TSPAN9: variants seen among roughly 807,000 people sequenced by gnomAD.
TSPAN9 encodes the protein tetraspanin-9.
A neutral mutation model predicts 31.0 loss-of-function variants in TSPAN9; 16 were observed. The ratio of observed to expected loss-of-function variants is 0.52; its 90% confidence interval spans 0.35 to 0.78. TSPAN9 has a LOEUF of 0.78. Ranked by LOEUF, TSPAN9 falls within the 30% of genes least tolerant of loss-of-function variation. The pLI is 0.01. For missense variants in TSPAN9, 272 were observed against 312.5 expected, an observed-to-expected ratio of 0.87 and a Z score of 0.98; for synonymous variants, 145 against 121.6, an observed-to-expected ratio of 1.19 and a Z score of -1.27.
intron 2 of TSPAN9, among the ~76,000 whole-genome samples, chr12:3,095,997 C>T (rs2098308483): frequency 6.7e-6 from 1 of 148,984 alleles, no homozygotes; most frequent in African/African-American, 2.5e-5. Context: ...CTGCTCCTTG[C>T]CCTCGGGCCC....
rs1336754348 is a variant in TSPAN9 at position 3,280,887 on chromosome 12, C to T, written c.433-311C>T. Among the ~76,000 whole-genome samples, 2 of 152,042 alleles carry T rather than the reference C, an allele frequency of 1.3e-5. No homozygotes were observed. Among genetic ancestry groups the T allele is most frequent in the Non-Finnish European group, 2.9e-5 (2 of 67,988 alleles). ...CGGCAGGGGGTTGGGTGGCAGTCAG[C>T]TTGGGACGGTTTACAGAAAGAGCAG... On this transcript the variant is annotated intron_variant, in intron 6 of 8. Transcript: ENST00000011898. The surrounding 1 kb of genome is among the most constrained non-coding windows in gnomAD (Gnocchi z 4.5).
chr12:3,142,222 T>C (rs759524440), intron 2 of TSPAN9, among the ~76,000 whole-genome samples: 5 of 152,162 alleles, frequency 3.3e-5, no homozygotes, highest in Admixed American at 6.5e-5. Flanking sequence ...CGCTGCCTGC[T>C]GTCCTCCCTC....
intron 2 of TSPAN9, among the ~76,000 whole-genome samples, chr12:3,121,158 T>A (rs993468022): frequency 6.6e-6 from 1 of 152,186 alleles, no homozygotes; most frequent in African/African-American, 2.4e-5. Context: ...TCAGGCGGTG[T>A]GAAATGCTTG....
chr12:3,239,754 G>T (rs745507204), intron 3 of TSPAN9, among the ~76,000 whole-genome samples: 1 of 152,176 alleles, frequency 6.6e-6, no homozygotes, highest in African/African-American at 2.4e-5. Context: ...ATCCTTCTGG[G>T]AGGGTCATTG....
At position 3,202,922 on chromosome 12, in the gene TSPAN9, G is replaced by C. The variant is rs555303987; in HGVS notation, c.63+1666G>C. Among the ~76,000 whole-genome samples, 3 of 152,328 alleles carry C rather than the reference G, an allele frequency of 2.0e-5. No homozygotes were observed. The South Asian group carries it at 6.2e-4, about 32-fold the overall frequency. On this transcript the variant is annotated intron_variant, in intron 3 of 8. Coordinates refer to ENST00000011898, the MANE Select transcript of TSPAN9 (RefSeq NM_006675.5). ...TTGTGGGCCAGTGCCTCCTGGTCCT[G>C]TGACCCATCTGCCAGCATCTGTCAG...
At chr12:3,171,927 T>C (rs1349663423) in intron 2 of TSPAN9, 3 of 152,192 alleles carry the variant, frequency 2.0e-5, no homozygotes, top group Non-Finnish European at 4.4e-5. Context: ...GGTGCACCTA[T>C]TTCTTTAAAT....
chr12:3,183,676 A>C (rs1340975365), intron 2 of TSPAN9, among the ~76,000 whole-genome samples: 1 of 152,202 alleles, frequency 6.6e-6, no homozygotes, highest in African/African-American at 2.4e-5. Flanking sequence ...CAGAATTTGC[A>C]TTCATCACCA....
At position 3,143,267 on chromosome 12, in the gene TSPAN9, TCA is replaced by T. The variant is rs2098335709; in HGVS notation, c.-17-57909_-17-57908del. ...TTAATAATATTTATAGTTATATTAA[TCA>T]TAATTAATAATATTTATAATTATAT... On this transcript the variant is annotated intron_variant, in intron 2 of 8. Coordinates refer to ENST00000011898, the MANE Select transcript of TSPAN9 (RefSeq NM_006675.5). This position sits in a 1 kb window ranked among gnomAD's most constrained non-coding sequence, Gnocchi z 4.2. Among the ~76,000 whole-genome samples, 1 of 147,296 alleles carries T rather than the reference TCA, an allele frequency of 6.8e-6. No homozygotes were observed. Among genetic ancestry groups the T allele is most frequent in the African/African-American group, 2.5e-5 (1 of 39,782 alleles).
At chr12:3,109,654 C>G (rs111737672) in intron 2 of TSPAN9, among the ~76,000 whole-genome samples, 20 of 151,720 alleles carry the variant, frequency 1.3e-4, no homozygotes, top group African/African-American at 4.6e-4. Flanking sequence ...AAAAATTAGC[C>G]GGGCATCGTG....
intron 2 of TSPAN9, among the ~76,000 whole-genome samples, chr12:3,166,380 TAAG>T (rs140994867): frequency 6.6e-6 from 1 of 152,368 alleles, no homozygotes; most frequent in East Asian, 1.9e-4. Context: ...GAGGTTTTAC[TAAG>T]AATAGGATGA....
chr12:3,232,920 A>G (rs2098391545), intron 3 of TSPAN9, among the ~76,000 whole-genome samples: 1 of 152,158 alleles, frequency 6.6e-6, no homozygotes, highest in Non-Finnish European at 1.5e-5. Context: ...AGCCACACAG[A>G]AAGATTTTCC....
At chr12:3,163,488 G>A (rs1339928471) in intron 2 of TSPAN9, among the ~76,000 whole-genome samples, 2 of 152,064 alleles carry the variant, frequency 1.3e-5, no homozygotes, top group East Asian at 1.9e-4. Flanking sequence ...CTTCCACCCC[G>A]CTACACCTAG....
chr12:3,280,364 T>C lies in TSPAN9; in HGVS notation c.331-18T>C. 6.2e-7 allele frequency: 1 copy of C among 1,610,252 alleles called. No individual in the cohort carries two copies. Among genetic ancestry groups the C allele is most frequent in the Non-Finnish European group, 8.5e-7 (1 of 1,178,776 alleles). On this transcript the variant is annotated intron_variant, in intron 5 of 8. Transcript: ENST00000011898. The surrounding 1 kb of genome is among the most constrained non-coding windows in gnomAD (Gnocchi z 4.5). ...CGTCCTGGTTCCAACCGTCTCACTGTGTCCCTCCGCCTGGCAGGTGAACGA... is the reference window on the plus strand; with the variant it reads ...CGTCCTGGTTCCAACCGTCTCACTGCGTCCCTCCGCCTGGCAGGTGAACGA...
intron 1 of TSPAN9, 59 bp downstream of exon 1, chr12:3,077,512 C>T (rs2098295675): frequency 1.3e-5 from 2 of 152,134 alleles, no homozygotes; most frequent in South Asian, 1.9e-4. Flanking sequence ...CGGAGTCGCG[C>T]GGCCTTGAGC....
intron 2 of TSPAN9, among the ~76,000 whole-genome samples, chr12:3,122,447 A>C (rs1223623779): frequency 6.6e-6 from 1 of 151,958 alleles, no homozygotes; most frequent in African/African-American, 2.4e-5. Flanking sequence ...CATGCTTGGC[A>C]AATTAAAATT....
At chr12:3,094,695 C>T (rs1487967339) in intron 2 of TSPAN9, among the ~76,000 whole-genome samples, 1 of 151,926 alleles carries the variant, frequency 6.6e-6, no homozygotes, top group Non-Finnish European at 1.5e-5. Context: ...GCCACTACTC[C>T]TGGCTAATTT....
chr12:3,081,912 G>A (rs933385195), intron 1 of TSPAN9, among the ~76,000 whole-genome samples: 4 of 149,710 alleles, frequency 2.7e-5, no homozygotes, highest in Admixed American at 2.0e-4. Flanking sequence ...TGGAAGGATC[G>A]CTTGAGTTCA....
intron 3 of TSPAN9, among the ~76,000 whole-genome samples, chr12:3,247,813 A>T (rs182369286): frequency 8.5e-4 from 130 of 152,104 alleles, no homozygotes; most frequent in Admixed American, 2.2e-3. Context: ...CCCCTGGGCT[A>T]TTTGTTTCCC....
rs1862848367 is a variant in TSPAN9 at position 3,279,015 on chromosome 12, C to A, written c.279C>A (p.Ile93=). The change falls in exon 5 of 9, where the codon ATC becomes ATA. Residue 93 remains isoleucine, a synonymous_variant. Coordinates refer to ENST00000011898, the MANE Select transcript of TSPAN9 (RefSeq NM_006675.5). ...LLSFFIVLLV[I]LLAELILLIL... ...AGTTTTTCATCGTCCTGTTGGTCATCCTCCTAGCAGAGCTGATCTTACTCA... is the reference window on the plus strand; with the variant it reads ...AGTTTTTCATCGTCCTGTTGGTCATACTCCTAGCAGAGCTGATCTTACTCA... 1.2e-6 allele frequency: 2 copies of A among 1,614,066 alleles called. No individual in the cohort carries two copies. Among genetic ancestry groups the A allele is most frequent in the Non-Finnish European group, 1.7e-6 (2 of 1,180,034 alleles).
Sources: gnomAD v4.1 joint callset for allele counts (sites outside exome capture counted in the v4.1 genomes callset) on GRCh38, gnomAD v4.1.1 for gene constraint, Gnocchi (gnomAD v3.1) non-coding constraint, MANE v1.5 for transcripts, NCBI Gene and HGNC (gene_info 2026-07-23, HGNC 2026-07-21) for gene names.